Variants in TRAM2 observed in about 807,000 individuals in gnomAD.
The protein encoded by TRAM2 is translocating chain-associated membrane protein 2.
A neutral mutation model predicts 51.0 loss-of-function variants in TRAM2; 12 were observed. The observed-to-expected ratio is 0.24, with a 90% CI of 0.15 to 0.38. The LOEUF is 0.38. Ranked by LOEUF, TRAM2 falls within the 10% of genes least tolerant of loss-of-function variation. The pLI is 1.00. For missense variants in TRAM2, 361 were observed against 462.0 expected (o/e 0.78, Z 2.00); for synonymous variants, 175 against 179.4 (o/e 0.98, Z 0.20).
chr6:52,513,956 C>G (rs1222463090), intron 4 of TRAM2, among the ~76,000 whole-genome samples: 1 of 152,200 alleles, frequency 6.6e-6, no homozygotes, highest in Non-Finnish European at 1.5e-5. Context: ...GTTTCTCAAT[C>G]TTGGCACTAT....
chr6:52,504,674 C>T lies in TRAM2; in HGVS notation c.956G>A (p.Arg319Gln), dbSNP rs1247520552. ...RFIHSQLRHW[R>Q]EYWNEQSAKR... The stretch of plus-strand genomic sequence containing the variant: ...TGCACTCTGCTCATTCCAGTATTCC[C>T]GCCAGTGCCGCAGCTGGGAGTGGAT... Residue 319 changes from arginine to glutamine, a missense_variant, in exon 10 of 11, where the codon CGG becomes CAG. Coordinates refer to ENST00000182527, the MANE Select transcript of TRAM2 (RefSeq NM_012288.4). The T allele has an allele frequency of 3.1e-6, 5 of 1,613,644 alleles. No homozygotes were observed. The highest frequency in any genetic ancestry group is 2.2e-5 in the East Asian group (1 of 44,888).
intron 1 of TRAM2, among the ~76,000 whole-genome samples, chr6:52,576,279 C>A (rs1378569364): frequency 2.6e-5 from 4 of 152,228 alleles, no homozygotes; most frequent in East Asian, 3.8e-4. Flanking sequence ...ACGTGAACAT[C>A]CGAGCACGTT....
chr6:52,532,280 T>C (rs781513905), intron 2 of TRAM2, among the ~76,000 whole-genome samples: 2 of 152,212 alleles, frequency 1.3e-5, no homozygotes, highest in Non-Finnish European at 1.5e-5. Context: ...TCCAGGATAA[T>C]TCTTTCTCAT....
rs991486991 is a variant in TRAM2 at position 52,497,916 on chromosome 6, G to T, written c.*5281C>A. On this transcript the variant is annotated 3_prime_UTR_variant, in exon 11 of 11. Coordinates refer to ENST00000182527, the MANE Select transcript of TRAM2 (RefSeq NM_012288.4). The stretch of plus-strand genomic sequence containing the variant: ...TTCGCAAAATATCCTTCCTCTCCAC[G>T]TGAACAAGTAGCTCTAGAGTGCTTT... 1 of 152,284 alleles carries T rather than the reference G, an allele frequency of 6.6e-6. No individual in the cohort carries two copies. Among genetic ancestry groups the T allele is most frequent in the South Asian group, 2.1e-4 (1 of 4,830 alleles). 9.4% of individuals were successfully genotyped at this position (152,284 alleles called of 1,614,324 possible).
chr6:52,574,399 A>G (rs1767730202), intron 1 of TRAM2, among the ~76,000 whole-genome samples: 1 of 152,106 alleles, frequency 6.6e-6, no homozygotes, highest in African/African-American at 2.4e-5. Context: ...GTGGGTAAAG[A>G]CAGTGAGGCC....
intron 2 of TRAM2, chr6:52,524,943 A>G (rs745956718): frequency 1.3e-5 from 2 of 152,254 alleles, no homozygotes; most frequent in Non-Finnish European, 2.9e-5. Flanking sequence ...AAATAGATGA[A>G]AGTATTATGC....
chr6:52,509,571 T>C lies in TRAM2; in HGVS notation c.427A>G (p.Asn143Asp). The C allele has an allele frequency of 6.2e-7, 1 of 1,614,016 alleles. No individual in the cohort carries two copies. The highest frequency in any genetic ancestry group is 8.5e-7 in the Non-Finnish European group (1 of 1,179,972). ...YVVVTEGYLT[N>D]PRSLWEDYPH... ...TAGTCTTCCCAGAGGCTTCTTGGGT[T>C]TGTTAAGTATCCTTCCTGCAGTGGG... The change falls in exon 5 of 11, where the codon AAC (asparagine) becomes GAC (aspartate). Residue 143 changes from asparagine (N) to aspartate (D), a missense_variant. Coordinates refer to ENST00000182527, the MANE Select transcript of TRAM2 (RefSeq NM_012288.4).
At chr6:52,531,850 T>C (rs1766898087) in intron 2 of TRAM2, among the ~76,000 whole-genome samples, 1 of 151,616 alleles carries the variant, frequency 6.6e-6, no homozygotes, top group Non-Finnish European at 1.5e-5. Context: ...GTTTATTACC[T>C]ATCTCTCTCT....
chr6:52,541,317 C>A (rs1240105595), intron 1 of TRAM2, among the ~76,000 whole-genome samples: 1 of 151,942 alleles, frequency 6.6e-6, no homozygotes, highest in African/African-American at 2.4e-5. Context: ...CTCATGTCAT[C>A]CCCACAATGA....
intron 1 of TRAM2, among the ~76,000 whole-genome samples, chr6:52,554,114 A>C (rs914028695): frequency 6.6e-6 from 1 of 152,058 alleles, no homozygotes; most frequent in African/African-American, 2.4e-5. Flanking sequence ...CAGGCAATCA[A>C]GTCCTAGAAC....
chr6:52,554,766 C>CTTTT lies in TRAM2; in HGVS notation c.121-18924_121-18921dup, dbSNP rs549322729. ...GTTACATTTCCACTTAGAGTCAATC[C>CTTTT]TTTTTTTTTTTTTTTTTTAACAGAG... On this transcript the variant is annotated intron_variant, in intron 1 of 10. Transcript: ENST00000182527. Among the ~76,000 whole-genome samples, 1,013 of 133,372 alleles carry CTTTT rather than the reference C, an allele frequency of 7.6e-3. 16 individuals carry two copies. The highest frequency in any genetic ancestry group is 0.027 in the African/African-American group (948 of 35,416). The allele number at this position is 133,372 out of a possible 152,430, so 87.5% of individuals were successfully genotyped here.
At chr6:52,515,923 C>T in intron 4 of TRAM2, 83 bp downstream of exon 4, 1 of 1,179,458 alleles carries the variant, frequency 8.5e-7, no homozygotes, top group South Asian at 1.3e-5. Context: ...GGGTCCTTTG[C>T]AGTCATTTGA....
chr6:52,527,280 A>G (rs1034623969), intron 2 of TRAM2, among the ~76,000 whole-genome samples: 1 of 151,868 alleles, frequency 6.6e-6, no homozygotes. Flanking sequence ...CGGGAGGCTG[A>G]GGCAGGAGAA....
At chr6:52,569,063 T>A (rs953171617) in intron 1 of TRAM2, among the ~76,000 whole-genome samples, 2 of 152,178 alleles carry the variant, frequency 1.3e-5, no homozygotes, top group Non-Finnish European at 2.9e-5. Flanking sequence ...AGGGTTTCAA[T>A]CAATACAGGC....
intron 1 of TRAM2, among the ~76,000 whole-genome samples, chr6:52,570,245 C>G (rs1325232686): frequency 6.6e-6 from 1 of 152,184 alleles, no homozygotes; most frequent in African/African-American, 2.4e-5. Context: ...GCAGGTAAAG[C>G]TCCTGTGTGT....
At chr6:52,509,610 C>T (rs1021503884) in intron 4 of TRAM2, 24 bp from the exon 5 acceptor site, 3 of 1,613,022 alleles carry the variant, frequency 1.9e-6, no homozygotes, top group African/African-American at 2.7e-5. Flanking sequence ...GAAGAGAGAC[C>T]ATTTAGAGAT....
At position 52,515,441 on chromosome 6, in the gene TRAM2, CG is replaced by C. The variant is rs144925810; in HGVS notation, c.411+564del. Among the ~76,000 whole-genome samples, 277 of 152,318 alleles carry C rather than the reference CG, an allele frequency of 1.8e-3. 1 individual carries two copies. The highest frequency in any genetic ancestry group is 6.3e-3 in the African/African-American group (261 of 41,568). ...CTGGTCCTGCAGGCATTTGTTGAAA[CG>C]GCATTGACTCTCACAGGATTTGATG... On this transcript the variant is annotated intron_variant, in intron 4 of 10. Transcript: ENST00000182527.
chr6:52,551,727 G>T (rs1767312830), intron 1 of TRAM2, among the ~76,000 whole-genome samples: 1 of 152,198 alleles, frequency 6.6e-6, no homozygotes, highest in South Asian at 2.1e-4. Context: ...AAGTGGGTGG[G>T]AGACAGAGGC....
intron 1 of TRAM2, among the ~76,000 whole-genome samples, chr6:52,550,485 T>G (rs1767288019): frequency 6.6e-6 from 1 of 152,212 alleles, no homozygotes. Context: ...AAAAGAATAC[T>G]AACACCATAT....
Sources: gnomAD v4.1 joint callset for allele counts (sites outside exome capture counted in the v4.1 genomes callset) on GRCh38, gnomAD v4.1.1 for gene constraint, MANE v1.5 for transcripts, NCBI Gene and HGNC (gene_info 2026-07-23, HGNC 2026-07-21) for gene names.